The following CADM2 variants were observed in gnomAD, a reference collection of about 807,000 sequenced individuals.
CADM2 encodes the protein immunoglobulin superfamily member 4D.
In CADM2, 12 loss-of-function variants were observed where a neutral mutation model predicts 49.8. The observed-to-expected ratio is 0.24, with a 90% confidence interval of 0.15 to 0.39. The LOEUF (loss-of-function observed/expected upper bound fraction) is 0.39. CADM2 is among the 10% of genes least tolerant of loss of function. The pLI is 1.00. For missense variants in CADM2, 378 were observed against 492.3 expected (o/e 0.77, Z 2.20); for synonymous variants, 214 against 175.4 (o/e 1.22, Z -1.74).
At chr3:84,978,178 G>A (rs1459356820) in intron 1 of CADM2, among the ~76,000 whole-genome samples, 2 of 151,974 alleles carry the variant, frequency 1.3e-5, no homozygotes, top group Non-Finnish European at 2.9e-5. Flanking sequence ...GTCACTATCA[G>A]GAATTATGTA....
chr3:85,294,549 G>A (rs1175475058), intron 1 of CADM2, among the ~76,000 whole-genome samples: 1 of 151,942 alleles, frequency 6.6e-6, no homozygotes, highest in Non-Finnish European at 1.5e-5. Context: ...ATACTACAAG[G>A]CTACAGTACC....
chr3:85,971,025 A>G (rs1392626081), intron 8 of CADM2, among the ~76,000 whole-genome samples: 1 of 151,596 alleles, frequency 6.6e-6, no homozygotes, highest in Non-Finnish European at 1.5e-5. Flanking sequence ...ATATTTAAGT[A>G]TGGGTGGATT....
At chr3:85,579,211 A>G (rs1314277401) in intron 1 of CADM2, among the ~76,000 whole-genome samples, 1 of 152,180 alleles carries the variant, frequency 6.6e-6, no homozygotes, top group African/African-American at 2.4e-5. Context: ...TTAAAACTCA[A>G]TCCTCCAAAA....
At chr3:85,469,998 G>A (rs935081219) in intron 1 of CADM2, among the ~76,000 whole-genome samples, 1 of 152,176 alleles carries the variant, frequency 6.6e-6, no homozygotes, top group African/African-American at 2.4e-5. Context: ...GGGAAGCGGA[G>A]TAGGAATTCA....
chr3:86,049,952 G>T (rs769301271), intron 8 of CADM2, among the ~76,000 whole-genome samples: 1 of 152,084 alleles, frequency 6.6e-6, no homozygotes, highest in South Asian at 2.1e-4. Flanking sequence ...CAAATCTCAT[G>T]TCCCTCTCAC....
At chr3:85,331,144 C>T (rs539822693) in intron 1 of CADM2, among the ~76,000 whole-genome samples, 60 of 152,086 alleles carry the variant, frequency 3.9e-4, no homozygotes, top group South Asian at 8.3e-4. Context: ...TCCAATTCTA[C>T]TCTTCATTGT....
At chr3:85,063,527 T>C (rs1400426954) in intron 1 of CADM2, among the ~76,000 whole-genome samples, 3 of 152,038 alleles carry the variant, frequency 2.0e-5, no homozygotes, top group Non-Finnish European at 4.4e-5. Flanking sequence ...AACATCCAAG[T>C]ATTTTGATCT....
At chr3:85,748,131 A>G (rs1469467004) in intron 2 of CADM2, among the ~76,000 whole-genome samples, 1 of 152,088 alleles carries the variant, frequency 6.6e-6, no homozygotes, top group Non-Finnish European at 1.5e-5. Flanking sequence ...TTGAACCATA[A>G]TCTCCATTAG....
rs147219987 is a variant in CADM2, at chr3:85,286,181, G to T, written c.61+326513G>T. ...GAACTCAAAGGACCATGGGCTAACA[G>T]GTTGATCTGGGACCGGAGCTGATCT... On this transcript the variant is annotated intron_variant, in intron 1 of 9. Transcript: ENST00000383699. Among the ~76,000 whole-genome samples the T allele has an allele frequency of 4.1e-4, 62 of 152,252 alleles. No homozygotes were observed. The East Asian group carries it at 0.011, about 28-fold the overall frequency.
At chr3:85,064,381 A>T (rs865908818) in intron 1 of CADM2, among the ~76,000 whole-genome samples, 41 of 152,256 alleles carry the variant, frequency 2.7e-4, no homozygotes, top group South Asian at 1.2e-3. Context: ...CCCCAAAATG[A>T]TTAAATAATC....
intron 1 of CADM2, among the ~76,000 whole-genome samples, chr3:85,055,247 C>T (rs529056667): frequency 6.6e-6 from 1 of 152,028 alleles, no homozygotes; most frequent in East Asian, 1.9e-4. Flanking sequence ...ATGGACTGTT[C>T]ATAGAACTTT....
At chr3:85,894,991 T>C (rs1269541484) in intron 5 of CADM2, among the ~76,000 whole-genome samples, 3 of 152,204 alleles carry the variant, frequency 2.0e-5, no homozygotes, top group Non-Finnish European at 2.9e-5. Flanking sequence ...GGAAGGATAA[T>C]TGGGGTCATA....
At chr3:85,786,789 C>T (rs541199603) in intron 2 of CADM2, among the ~76,000 whole-genome samples, 11 of 152,042 alleles carry the variant, frequency 7.2e-5, no homozygotes, top group South Asian at 2.1e-4. Context: ...GAGCTTTATA[C>T]GTCTCACATT....
In CADM2 at chr3:85,029,138, CAT is replaced by C. The variant is rs957825769; in HGVS notation, c.61+69473_61+69474del. Among the ~76,000 whole-genome samples the C allele has an allele frequency of 1.3e-4, 19 of 151,876 alleles. 1 individual carries two copies. Among genetic ancestry groups the C allele is most frequent in the South Asian group, 1.2e-3 (6 of 4,820 alleles). On this transcript the variant is annotated intron_variant, in intron 1 of 9. Transcript: ENST00000383699. ...TTAAATTTTATTTCTATTTGAAGAA[CAT>C]ATTATTTTAGAAGTTTTTTAAATAT... is the stretch of plus-strand genomic sequence containing the variant.
At chr3:85,596,895 T>G (rs539758311) in intron 1 of CADM2, among the ~76,000 whole-genome samples, 1 of 152,168 alleles carries the variant, frequency 6.6e-6, no homozygotes, top group Admixed American at 6.6e-5. Flanking sequence ...TTTTGCATTT[T>G]TAGTAGAGAC....
intron 1 of CADM2, among the ~76,000 whole-genome samples, chr3:85,525,088 T>C (rs1343512923): frequency 1.3e-5 from 2 of 152,110 alleles, no homozygotes; most frequent in African/African-American, 4.8e-5. Flanking sequence ...CAAACCACAA[T>C]GGCACCTGTA....
At chr3:85,734,553 A>C (rs1014080923) in intron 2 of CADM2, among the ~76,000 whole-genome samples, 8 of 150,056 alleles carry the variant, frequency 5.3e-5, no homozygotes, top group South Asian at 4.2e-4. Flanking sequence ...ATATATACAT[A>C]TATGATTATA....
chr3:85,474,003 T>C (rs907688415), intron 1 of CADM2, among the ~76,000 whole-genome samples: 3 of 151,970 alleles, frequency 2.0e-5, no homozygotes, highest in Non-Finnish European at 2.9e-5. Flanking sequence ...TAAATATTGT[T>C]GCAATGATTA....
chr3:85,623,962 C>T (rs2107498919), intron 1 of CADM2, among the ~76,000 whole-genome samples: 1 of 152,032 alleles, frequency 6.6e-6, no homozygotes, highest in South Asian at 2.1e-4. Context: ...TACTGGTTTT[C>T]CTTGCTACTT....
Sources: gnomAD v4.1 joint callset for allele counts (sites outside exome capture counted in the v4.1 genomes callset) on GRCh38, gnomAD v4.1.1 for gene constraint, MANE v1.5 for transcripts, NCBI Gene and HGNC (gene_info 2026-07-23, HGNC 2026-07-21) for gene names.